ANXA6: variants seen among roughly 807,000 people sequenced by gnomAD.
ANXA6 encodes the protein annexin A6.
A neutral mutation model predicts 95.4 loss-of-function variants in ANXA6; 71 were observed. That is an observed-to-expected ratio of 0.74 (90% CI 0.61 to 0.91). The LOEUF (loss-of-function observed/expected upper bound fraction) is 0.91, where lower values mean the gene tolerates loss of function less well. Ranked by LOEUF, ANXA6 falls within the 40% of genes least tolerant of loss-of-function variation. The pLI is 0.00. For missense variants in ANXA6, 830 were observed against 876.4 expected, an observed-to-expected ratio of 0.95 and a Z score of 0.67; for synonymous variants, 289 against 315.9, an observed-to-expected ratio of 0.91 and a Z score of 0.90.
At chr5:151,143,442 C>T (rs1765889200) in intron 2 of ANXA6, among the ~76,000 whole-genome samples, 4 of 152,196 alleles carry the variant, frequency 2.6e-5, no homozygotes, top group Non-Finnish European at 5.9e-5. Flanking sequence ...ATCCTAAGTG[C>T]TTCTCACATT....
chr5:151,122,831 A>G (rs754452573), intron 16 of ANXA6, 86 bp downstream of exon 16: 6 of 1,210,160 alleles, frequency 5.0e-6, no homozygotes, highest in Non-Finnish European at 6.1e-6. Context: ...CTGGTGCCCA[A>G]CTGTGCAGAA....
chr5:151,118,353 C>T (rs7733828), intron 18 of ANXA6, among the ~76,000 whole-genome samples: 118,837 of 151,760 alleles, frequency 0.78, 47,026 homozygotes, highest in East Asian at 0.93. Flanking sequence ...CTCGACCTCC[C>T]TGGGCTCAGG....
In ANXA6 at chr5:151,101,464, C is replaced by A; in HGVS notation, c.2006G>T (p.Cys669Phe). The change falls in exon 26 of 26, where the codon TGT (cysteine) becomes TTT (phenylalanine). Residue 669 changes from cysteine to phenylalanine, a missense_variant. Cys to Phe is a radical substitution (Grantham distance 205, BLOSUM62 -2). Coordinates refer to ENST00000354546, the MANE Select transcript of ANXA6 (RefSeq NM_001155.5). The stretch of plus-strand genomic sequence containing the variant: ...GCTGTGGCCCTAGTCCTCACCACCA[C>A]AGAGAGCCAGCAAGGCCTTCAGGAA... ...GDFLKALLAL[C>F]GGED is the part of the protein sequence containing the mutation. 1 of 1,560,470 alleles carries A rather than the reference C, an allele frequency of 6.4e-7. No homozygotes were observed. Among genetic ancestry groups the A allele is most frequent in the Non-Finnish European group, 8.7e-7 (1 of 1,152,206 alleles).
At chr5:151,103,817 C>A in intron 24 of ANXA6, 125 bp from the exon 25 acceptor site, 1 of 1,199,886 alleles carries the variant, frequency 8.3e-7, no homozygotes, top group Non-Finnish European at 1.1e-6. Flanking sequence ...GGATGTTCCA[C>A]CTCTGTCTTC....
chr5:151,137,163 T>TC (rs1765686408), intron 6 of ANXA6, 68 bp downstream of exon 6: 1 of 1,327,210 alleles, frequency 7.5e-7, no homozygotes, highest in East Asian at 2.3e-5. Context: ...AATCTTAGTG[T>TC]CCCCACTGTT....
rs1764554182 is a variant in ANXA6 at position 151,101,620 on chromosome 5, C to T, written c.1963-113G>A. The stretch of plus-strand genomic sequence containing the variant: ...TCCCTCGGCTTCTCTCCATGACCAA[C>T]ATAGGATCCCATGCCACATGTAGGC... On this transcript the variant is annotated intron_variant, in intron 25 of 25. Coordinates refer to ENST00000354546, the MANE Select transcript of ANXA6 (RefSeq NM_001155.5). The T allele has an allele frequency of 2.5e-5, 22 of 872,340 alleles. No homozygotes were observed. In the South Asian group the frequency reaches 3.1e-4, roughly 12 times the overall value. 54.0% of individuals were successfully genotyped at this position (872,340 alleles called of 1,614,324 possible).
rs368932264 is a variant in ANXA6 at position 151,134,463 on chromosome 5, G to A, written c.510C>T (p.Asp170=). The A allele has an allele frequency of 4.3e-5, 69 of 1,613,866 alleles. No homozygotes were observed. The highest frequency in any genetic ancestry group is 1.1e-4 in the East Asian group (5 of 44,900). ...GTTGTACCAGGTCCTCGCTCACTAC[G>A]TCATCCTCCTCCCTGGTTCCCTGGG... ...VLLQGTREED[D]VVSEDLVQQD... is the part of the protein sequence containing the mutation. The change falls in exon 8 of 26, where the codon GAC becomes GAT. Residue 170 remains aspartate, a synonymous_variant. Coordinates refer to ENST00000354546, the MANE Select transcript of ANXA6 (RefSeq NM_001155.5).
intron 1 of ANXA6, chr5:151,151,305 G>C (rs976375036): frequency 6.6e-6 from 1 of 152,138 alleles, no homozygotes; most frequent in African/African-American, 2.4e-5. Context: ...GCTCAAATTG[G>C]CTGAATATTT....
chr5:151,104,810 G>C (rs903168869), intron 24 of ANXA6, among the ~76,000 whole-genome samples: 2 of 152,158 alleles, frequency 1.3e-5, no homozygotes, highest in Admixed American at 1.3e-4. Flanking sequence ...TGTGTCCCCG[G>C]ATAGATTGTG....
At chr5:151,129,622 A>G (rs1765436063) in intron 11 of ANXA6, 93 bp from the exon 12 acceptor site, 1 of 1,425,930 alleles carries the variant, frequency 7.0e-7, no homozygotes, top group Non-Finnish European at 9.4e-7. Flanking sequence ...TTTTCATAAT[A>G]AAAAGTTAAA....
intron 14 of ANXA6, 67 bp from the exon 15 acceptor site, chr5:151,124,434 G>T: frequency 6.7e-7 from 1 of 1,488,850 alleles, no homozygotes; most frequent in Non-Finnish European, 9.2e-7. Flanking sequence ...CTGAAAGACA[G>T]CATGCGAGGG....
chr5:151,140,251 G>A lies in ANXA6; in HGVS notation c.19-8C>T, dbSNP rs758741145. On this transcript the variant is annotated splice_polypyrimidine_tract_variant and splice_region_variant and intron_variant, in intron 2 of 25. Coordinates refer to ENST00000354546, the MANE Select transcript of ANXA6 (RefSeq NM_001155.5). ...GCCCCGGTACTTGGCACCCTGTGGA[G>A]AAAAAAGTAGAGGGTGAGCTGCCAA... 1 of 1,613,454 alleles carries A rather than the reference G, an allele frequency of 6.2e-7. No homozygotes were observed. The highest frequency in any genetic ancestry group is 8.5e-7 in the Non-Finnish European group (1 of 1,179,546).
chr5:151,107,479 C>A (rs558639865), intron 23 of ANXA6, among the ~76,000 whole-genome samples: 1 of 152,340 alleles, frequency 6.6e-6, no homozygotes, highest in African/African-American at 2.4e-5. Flanking sequence ...AAAGGCCCAT[C>A]ACGTGCTAAA....
chr5:151,103,666 CAG>C lies in ANXA6; in HGVS notation c.1864_1865del (p.Leu622AspfsTer9), dbSNP rs1561562709. 8 of 1,610,890 alleles carry C rather than the reference CAG, an allele frequency of 5.0e-6. No homozygotes were observed. Among genetic ancestry groups the C allele is most frequent in the Non-Finnish European group, 6.8e-6 (8 of 1,178,582 alleles). Reference protein sequence around the residue: ...MKGAGTDEKTLTRIMVSRSEI... With the variant: ...MKGAGTDEKTXTRIMVSRSEI... ...CACTGCGGGATACCATGATCCTGGT[CAG>C]AGTCTTCTCATCTGTGCCAGCACCC... is the stretch of plus-strand genomic sequence containing the variant. On this transcript the variant is annotated frameshift_variant, in exon 25 of 26. Transcript: ENST00000354546. LOFTEE classifies it high-confidence loss of function.
chr5:151,132,531 T>C lies in ANXA6; in HGVS notation c.681A>G (p.Glu227=). Residue 227 remains glutamate (E), a synonymous_variant, in exon 10 of 26, where the codon GAA becomes GAG. Coordinates refer to ENST00000354546, the MANE Select transcript of ANXA6 (RefSeq NM_001155.5). ...CAGACAGCTCCCCTCGGATGCTGGCTTCAATCGGCTTCCCTGTGGTCTTCA... is the reference window on the plus strand; with the variant it reads ...CAGACAGCTCCCCTCGGATGCTGGCCTCAATCGGCTTCCCTGTGGTCTTCA... ...EYLKTTGKPI[E]ASIRGELSGD... The C allele has an allele frequency of 6.2e-7, 1 of 1,613,514 alleles. No homozygotes were observed. Among genetic ancestry groups the C allele is most frequent in the Non-Finnish European group, 8.5e-7 (1 of 1,179,758 alleles).
Position 151,117,110 on chromosome 5 carries a change from T to G in ANXA6, c.1572+17A>C, listed in dbSNP as rs775448725. 1.3e-5 allele frequency: 20 copies of G among 1,570,980 alleles called. No homozygotes were observed. Among genetic ancestry groups the G allele is most frequent in the Non-Finnish European group, 1.7e-5 (20 of 1,154,054 alleles). ...GGACACCCGGCAGAGGTGACTGGGG[T>G]GGGCTGGGGGTCTTACCTGGGCATC... On this transcript the variant is annotated intron_variant, in intron 20 of 25. Transcript: ENST00000354546.
chr5:151,132,459 G>A lies in ANXA6; in HGVS notation c.736+17C>T. The A allele has an allele frequency of 1.4e-5, 22 of 1,596,968 alleles. No individual in the cohort carries two copies. Among genetic ancestry groups the A allele is most frequent in the Non-Finnish European group, 1.9e-5 (22 of 1,170,528 alleles). On this transcript the variant is annotated intron_variant, in intron 10 of 25. Coordinates refer to ENST00000354546, the MANE Select transcript of ANXA6 (RefSeq NM_001155.5). ...AGAATCCCCTAAAGCCCCCAGGAATGCAACGTCAGGACATACCTACGGCCA... is the reference window on the plus strand; with the variant it reads ...AGAATCCCCTAAAGCCCCCAGGAATACAACGTCAGGACATACCTACGGCCA...
intron 18 of ANXA6, among the ~76,000 whole-genome samples, 179 bp downstream of exon 18, chr5:151,119,121 C>T (rs1310775509): frequency 1.3e-5 from 2 of 152,164 alleles, no homozygotes; most frequent in Non-Finnish European, 2.9e-5. Context: ...CTTTGTCCTA[C>T]CAGGACACCT....
At chr5:151,103,778 T>C in intron 24 of ANXA6, 86 bp from the exon 25 acceptor site, 1 of 1,415,518 alleles carries the variant, frequency 7.1e-7, no homozygotes, top group Non-Finnish European at 9.3e-7. Context: ...CCATCTGCCT[T>C]TCTCCCTTGT....
Sources: allele counts gnomAD v4.1 joint callset (sites outside exome capture counted in the v4.1 genomes callset), GRCh38; gene constraint gnomAD v4.1.1; transcripts MANE v1.5; gene names NCBI Gene and HGNC (gene_info 2026-07-23, HGNC 2026-07-21).